PLCG2: variants seen among roughly 807,000 people sequenced by gnomAD.
The protein encoded by PLCG2 is phospholipase C gamma 2, also known as 1-phosphatidylinositol 4,5-bisphosphate phosphodiesterase gamma-2.
PLCG2 carries 69 observed loss-of-function variants against 175.6 expected under a neutral mutation model. The ratio of observed to expected loss-of-function variants is 0.39; its 90% confidence interval spans 0.32 to 0.48. The LOEUF is 0.48. Ranked by LOEUF, PLCG2 falls within the 20% of genes least tolerant of loss-of-function variation. The pLI, the probability that PLCG2 is intolerant of heterozygous loss-of-function variation, is 0.91. For synonymous variants in PLCG2, 827 were observed against 624.0 expected, an observed-to-expected ratio of 1.33 and a Z score of -4.85; for missense variants, 1,798 against 1,650.9, an observed-to-expected ratio of 1.09 and a Z score of -1.54.
At chr16:81,750,069 A>C (rs1222360415) in intron 1 of PLCG2, among the ~76,000 whole-genome samples, 1 of 152,220 alleles carries the variant, frequency 6.6e-6, no homozygotes, top group East Asian at 1.9e-4. Flanking sequence ...TTAAAAACAC[A>C]TAGAGGTATC....
intron 2 of PLCG2, among the ~76,000 whole-genome samples, chr16:81,816,301 A>T (rs114992826): frequency 8.5e-4 from 129 of 152,082 alleles, no homozygotes; most frequent in Middle Eastern, 6.8e-3. Flanking sequence ...AACCTGGGAG[A>T]TGGAAGTTAC....
rs372280655 is a variant in PLCG2, at chr16:81,816,743, C to A, written c.193+30561C>A. 1.6e-3 allele frequency among the ~76,000 whole-genome samples: 226 copies of A among 139,154 alleles called. 1 individual carries two copies. Among genetic ancestry groups the A allele is most frequent in the African/African-American group, 5.8e-3 (216 of 37,354 alleles). 91.3% of individuals were successfully genotyped at this position (139,154 alleles called of 152,430 possible). On this transcript the variant is annotated intron_variant, in intron 2 of 32. Transcript: ENST00000564138. ...TCTTAAACTCCTGGGCTAAAGCAGT[C>A]CTCGCATTTCAGCCTCCCAAAATGC...
At chr16:81,756,259 C>A (rs892960929) in intron 2 of PLCG2, among the ~76,000 whole-genome samples, 1 of 152,248 alleles carries the variant, frequency 6.6e-6, no homozygotes. Context: ...TGCCCCCTAC[C>A]GCCTTTCAGA....
Position 81,869,244 on chromosome 16 carries a change from G to T in PLCG2, c.510G>T (p.Leu170Phe), listed in dbSNP as rs759598100. The change falls in exon 6 of 33, where the codon TTG (leucine) becomes TTT (phenylalanine). Residue 170 changes from leucine (L) to phenylalanine (F), a missense_variant. Physicochemically the swap from Leu to Phe is conservative, Grantham distance 22 (BLOSUM62 0). Transcript: ENST00000564138. ...GTCTCCGAGAGTTGAAGACCATCTT[G>T]CCCCTGATCAACTTTAAAGTGAGCA... ...SISLRELKTI[L>F]PLINFKVSSA... The T allele has an allele frequency of 1.7e-4, 267 of 1,613,914 alleles. No homozygotes were observed. Among genetic ancestry groups the T allele is most frequent in the Non-Finnish European group, 2.2e-4 (259 of 1,179,904 alleles).
chr16:81,819,677 T>C (rs1279251848), intron 2 of PLCG2, among the ~76,000 whole-genome samples: 1 of 152,184 alleles, frequency 6.6e-6, no homozygotes, highest in Non-Finnish European at 1.5e-5. Flanking sequence ...CTCCGCCTTC[T>C]GGTTTCAAGC....
intron 2 of PLCG2, among the ~76,000 whole-genome samples, chr16:81,845,877 G>A (rs924791979): frequency 1.3e-5 from 2 of 152,222 alleles, no homozygotes; most frequent in Non-Finnish European, 2.9e-5. Flanking sequence ...AGAGTCACTT[G>A]CTTGACTATG....
intron 1 of PLCG2, among the ~76,000 whole-genome samples, 162 bp downstream of exon 1, chr16:81,779,586 G>T (rs1910636620): frequency 6.6e-6 from 1 of 151,992 alleles, no homozygotes; most frequent in African/African-American, 2.4e-5. Context: ...CGCCGTGCCC[G>T]GGGTCCGTTT....
chr16:81,922,328 C>A (rs1321907975), intron 21 of PLCG2, among the ~76,000 whole-genome samples: 3 of 152,232 alleles, frequency 2.0e-5, no homozygotes, highest in Non-Finnish European at 4.4e-5. Flanking sequence ...ATTACTTTCT[C>A]TCTCTGCATC....
intron 3 of PLCG2, chr16:81,858,006 A>T (rs1906769512): frequency 2.1e-6 from 1 of 466,994 alleles, no homozygotes; most frequent in East Asian, 3.1e-5. Context: ...TTCTTAGCTG[A>T]TTCCATTTGG....
At chr16:81,907,575 GA>G in intron 15 of PLCG2, 109 bp from the exon 16 acceptor site, 1 of 612,052 alleles carries the variant, frequency 1.6e-6, no homozygotes, top group Non-Finnish European at 2.9e-6. Flanking sequence ...ATGAAACTGG[GA>G]AAAGCACATC....
At chr16:81,858,492 C>T (rs2143488559) in intron 4 of PLCG2, 136 bp downstream of exon 4, 2 of 681,928 alleles carry the variant, frequency 2.9e-6, no homozygotes, top group Admixed American at 4.4e-5. Context: ...GTCTTGTATG[C>T]AATGGGTGCC....
chr16:81,745,892 G>C (rs1444868162), intron 1 of PLCG2, among the ~76,000 whole-genome samples: 1 of 152,206 alleles, frequency 6.6e-6, no homozygotes, highest in Non-Finnish European at 1.5e-5. Context: ...CGTTATTCCT[G>C]AGCCTCCTGG....
intron 8 of PLCG2, 90 bp downstream of exon 8, chr16:81,881,043 G>T: frequency 7.6e-7 from 1 of 1,308,524 alleles, no homozygotes; most frequent in South Asian, 1.2e-5. Flanking sequence ...ATGCCTGTGT[G>T]TGCAGGCGCT....
At chr16:81,825,272 G>C (rs1904996835) in intron 2 of PLCG2, among the ~76,000 whole-genome samples, 1 of 150,824 alleles carries the variant, frequency 6.6e-6, no homozygotes, top group Non-Finnish European at 1.5e-5. Flanking sequence ...TAGATCTGAA[G>C]AGATGCTCTA....
In PLCG2 at chr16:81,961,295, C is replaced by T; in HGVS notation, c.*3297C>T. On this transcript the variant is annotated 3_prime_UTR_variant, in exon 33 of 33. Coordinates refer to ENST00000564138, the MANE Select transcript of PLCG2 (RefSeq NM_002661.5). ...AACGGAAAATAGAATTGATGATGAA[C>T]TTTGGCTCAATCTTAAGATGTTATC... 1 of 225,680 alleles carries T rather than the reference C, an allele frequency of 4.4e-6. No homozygotes were observed. Among genetic ancestry groups the T allele is most frequent in the Non-Finnish European group, 8.8e-6 (1 of 113,420 alleles). 14.0% of individuals were successfully genotyped at this position (225,680 alleles called of 1,614,324 possible).
intron 2 of PLCG2, among the ~76,000 whole-genome samples, chr16:81,811,832 G>A (rs1005901166): frequency 6.6e-6 from 1 of 152,138 alleles, no homozygotes; most frequent in African/African-American, 2.4e-5. Flanking sequence ...ATAAACATAT[G>A]TGTGCATGTG....
In PLCG2 at chr16:81,924,425, G is replaced by T. The variant is rs1305530875; in HGVS notation, c.2417+831G>T. On this transcript the variant is annotated intron_variant, in intron 22 of 32. Coordinates refer to ENST00000564138, the MANE Select transcript of PLCG2 (RefSeq NM_002661.5). ...ACGTTTGAAATAACTCACTTCATTT[G>T]AAATAACTGAGTCTACATGATGACT... Among the ~76,000 whole-genome samples the T allele has an allele frequency of 2.0e-5, 3 of 152,220 alleles. No individual in the cohort carries two copies. The East Asian group carries it at 5.8e-4, about 29-fold the overall frequency.
chr16:81,857,385 G>C (rs1238270032), intron 3 of PLCG2, among the ~76,000 whole-genome samples: 2 of 152,166 alleles, frequency 1.3e-5, no homozygotes, highest in African/African-American at 2.4e-5. Context: ...ATGGATTCTT[G>C]TTTAAAATCC....
intron 19 of PLCG2, among the ~76,000 whole-genome samples, chr16:81,915,639 C>G (rs1356895123): frequency 1.3e-5 from 2 of 152,194 alleles, no homozygotes; most frequent in Non-Finnish European, 2.9e-5. Flanking sequence ...ACAGCTTACC[C>G]TGAATAAGCT....
Sources: gnomAD v4.1 joint callset for allele counts (sites outside exome capture counted in the v4.1 genomes callset) on GRCh38, gnomAD v4.1.1 for gene constraint, MANE v1.5 for transcripts, NCBI Gene and HGNC (gene_info 2026-07-23, HGNC 2026-07-21) for gene names.